NTSR1: variants seen among roughly 807,000 people sequenced by gnomAD.
NTSR1 encodes neurotensin receptor type 1.
Under a neutral mutation model 31.2 loss-of-function variants are expected in NTSR1, and 29 were observed. That is an observed-to-expected ratio of 0.93 (90% confidence interval 0.69 to 1.27). The LOEUF (loss-of-function observed/expected upper bound fraction) is 1.27, where lower values mean the gene tolerates loss of function less well. NTSR1 is among the 50% of genes most tolerant of loss of function. The pLI is 0.00. For missense variants in NTSR1, 697 were observed against 595.4 expected, an observed-to-expected ratio of 1.17 and a Z score of -1.78; for synonymous variants, 282 against 269.9, an observed-to-expected ratio of 1.04 and a Z score of -0.44.
Position 62,715,179 on chromosome 20 carries a change from T to C in NTSR1, c.714+5258T>C, listed in dbSNP as rs1435245338. Among the ~76,000 whole-genome samples, 1 of 152,188 alleles carries C rather than the reference T, an allele frequency of 6.6e-6. No individual in the cohort carries two copies. The highest frequency in any genetic ancestry group is 2.4e-5 in the African/African-American group (1 of 41,418). Reference sequence around the variant, plus strand: ...TGTTGGAAATAAAGAATTTGGCGTATGAAATCACCGTTCAGATGGTGACTC... The same window carrying C: ...TGTTGGAAATAAAGAATTTGGCGTACGAAATCACCGTTCAGATGGTGACTC... On this transcript the variant is annotated intron_variant, in intron 1 of 3. Transcript: ENST00000370501. This position sits in a 1 kb window ranked among gnomAD's most constrained non-coding sequence, Gnocchi z 4.7.
At chr20:62,712,096 G>A (rs1354387867) in intron 1 of NTSR1, among the ~76,000 whole-genome samples, 3 of 152,356 alleles carry the variant, frequency 2.0e-5, no homozygotes, top group African/African-American at 7.2e-5. Flanking sequence ...GGGCCCCGAT[G>A]CCAGCTGCTC....
Position 62,723,887 on chromosome 20 carries a change from C to T in NTSR1, c.714+13966C>T, listed in dbSNP as rs190886878. On this transcript the variant is annotated intron_variant, in intron 1 of 3. Coordinates refer to ENST00000370501, the MANE Select transcript of NTSR1 (RefSeq NM_002531.3). Reference sequence around the variant, plus strand: ...AGCTGGCTTCAGGTGAACACGCTGACCCCCTGGGTGGTCTCCAGGTGGTCT... The same window carrying T: ...AGCTGGCTTCAGGTGAACACGCTGATCCCCTGGGTGGTCTCCAGGTGGTCT... Among the ~76,000 whole-genome samples, 116 of 152,318 alleles carry T rather than the reference C, an allele frequency of 7.6e-4. 1 individual carries two copies. In the East Asian group the frequency reaches 0.021, roughly 27 times the overall value.
chr20:62,719,613 C>T lies in NTSR1; in HGVS notation c.714+9692C>T, dbSNP rs139518880. The stretch of plus-strand genomic sequence containing the variant: ...TCCTCCTCCCCCAGCCCCTGGCAAC[C>T]GCCATTCTACTTTTTGTCTCTGTGA... On this transcript the variant is annotated intron_variant, in intron 1 of 3. Coordinates refer to ENST00000370501, the MANE Select transcript of NTSR1 (RefSeq NM_002531.3). Among the ~76,000 whole-genome samples the T allele has an allele frequency of 1.9e-3, 282 of 151,838 alleles. 1 individual carries two copies. The highest frequency in any genetic ancestry group is 5.7e-3 in the African/African-American group (237 of 41,500).
rs1410331936 is a variant in NTSR1 at position 62,743,832 on chromosome 20, G to T, written c.715-10853G>T. 6.6e-6 allele frequency among the ~76,000 whole-genome samples: 1 copy of T among 152,176 alleles called. No individual in the cohort carries two copies. The highest frequency in any genetic ancestry group is 2.1e-4 in the South Asian group (1 of 4,824). ...AGGTGAGAACGCCCTGCCTGAGGTC[G>T]AGGGGCTGAGGCCGGCTGTCTGGAG... On this transcript the variant is annotated intron_variant, in intron 1 of 3. Transcript: ENST00000370501. The surrounding 1 kb of genome is among the most constrained non-coding windows in gnomAD (Gnocchi z 7.5).
intron 1 of NTSR1, among the ~76,000 whole-genome samples, chr20:62,740,953 C>T (rs547500544): frequency 3.9e-5 from 6 of 152,200 alleles, no homozygotes; most frequent in Admixed American, 6.5e-5. Flanking sequence ...AAAAGCAACT[C>T]GCCACCCCAG....
Position 62,708,942 on chromosome 20 carries a change from G to A in NTSR1, c.-266G>A. Reference sequence around the variant, plus strand: ...GCACCTGGAACCCGTGGCAAGCGCCGAGCCGGGAGACAGCCCGAGGAACCA... The same window carrying A: ...GCACCTGGAACCCGTGGCAAGCGCCAAGCCGGGAGACAGCCCGAGGAACCA... On this transcript the variant is annotated 5_prime_UTR_variant, in exon 1 of 4. Transcript: ENST00000370501. This position sits in a 1 kb window ranked among gnomAD's most constrained non-coding sequence, Gnocchi z 5.9. 1 of 395,312 alleles carries A rather than the reference G, an allele frequency of 2.5e-6. No individual in the cohort carries two copies. Among genetic ancestry groups the A allele is most frequent in the Non-Finnish European group, 4.5e-6 (1 of 224,458 alleles). 24.5% of individuals were successfully genotyped at this position (395,312 alleles called of 1,614,324 possible). A position where few individuals can be genotyped will look rare whatever the true frequency, so the allele number is the denominator to read the frequency against.
At position 62,744,301 on chromosome 20, in the gene NTSR1, T is replaced by C. The variant is rs924575775; in HGVS notation, c.715-10384T>C. On this transcript the variant is annotated intron_variant, in intron 1 of 3. Transcript: ENST00000370501. The surrounding 1 kb of genome is among the most constrained non-coding windows in gnomAD (Gnocchi z 4.1). Reference sequence around the variant, plus strand: ...TGGACGCAGTGGCTCGTGTTTGTAATCCCAGCACTTTGGGAGGCCGAGGTG... The same window carrying C: ...TGGACGCAGTGGCTCGTGTTTGTAACCCCAGCACTTTGGGAGGCCGAGGTG... Among the ~76,000 whole-genome samples, 2 of 152,082 alleles carry C rather than the reference T, an allele frequency of 1.3e-5. No homozygotes were observed. Among genetic ancestry groups the C allele is most frequent in the African/African-American group, 4.8e-5 (2 of 41,394 alleles).
At position 62,709,690 on chromosome 20, in the gene NTSR1, C is replaced by T. The variant is rs776682562; in HGVS notation, c.483C>T (p.Ser161=). 6.2e-7 allele frequency: 1 copy of T among 1,612,674 alleles called. No individual in the cohort carries two copies. Among genetic ancestry groups the T allele is most frequent in the African/African-American group, 1.3e-5 (1 of 74,932 alleles). Reference sequence around the variant, plus strand: ...ACGCCACGGCCCTCAACGTGGCCAGCCTGAGTGTGGAGCGCTACCTGGCCA... The same window carrying T: ...ACGCCACGGCCCTCAACGTGGCCAGTCTGAGTGTGGAGCGCTACCTGGCCA... ...CTYATALNVA[S]LSVERYLAIC... The change falls in exon 1 of 4, where the codon AGC becomes AGT. Residue 161 remains serine, a synonymous_variant. Transcript: ENST00000370501.
At chr20:62,757,578 A>G (rs1481173766) in intron 2 of NTSR1, among the ~76,000 whole-genome samples, 2 of 152,260 alleles carry the variant, frequency 1.3e-5, no homozygotes, top group Non-Finnish European at 2.9e-5. Context: ...TATTTCTGCC[A>G]AAAGCATTCT....
At position 62,741,361 on chromosome 20, in the gene NTSR1, C is replaced by A. The variant is rs765189363; in HGVS notation, c.715-13324C>A. ...AAGATTCCAACTCCCACACTCAGGGCTCCCTGCTGCCTGGAAGAGGAGAGG... is the reference window on the plus strand; with the variant it reads ...AAGATTCCAACTCCCACACTCAGGGATCCCTGCTGCCTGGAAGAGGAGAGG... On this transcript the variant is annotated intron_variant, in intron 1 of 3. Transcript: ENST00000370501. This position sits in a 1 kb window ranked among gnomAD's most constrained non-coding sequence, Gnocchi z 4.3. Among the ~76,000 whole-genome samples, 1 of 137,436 alleles carries A rather than the reference C, an allele frequency of 7.3e-6. No homozygotes were observed. The highest frequency in any genetic ancestry group is 3.0e-5 in the African/African-American group (1 of 33,218). The allele number at this position is 137,436 out of a possible 152,430, so 90.2% of individuals were successfully genotyped here.
rs1477478088 is a variant in NTSR1 at position 62,745,432 on chromosome 20, CAGG to C, written c.715-9250_715-9248del. On this transcript the variant is annotated intron_variant, in intron 1 of 3. Transcript: ENST00000370501. The surrounding 1 kb of genome is among the most constrained non-coding windows in gnomAD (Gnocchi z 4.1). Reference sequence around the variant, plus strand: ...TCAGGAAAACAGACAGAGAGAGACACAGGAGAACAGAGACACAGAGATACAGAG... The same window carrying C: ...TCAGGAAAACAGACAGAGAGAGACACAGAACAGAGACACAGAGATACAGAG... Among the ~76,000 whole-genome samples, 1 of 151,578 alleles carries C rather than the reference CAGG, an allele frequency of 6.6e-6. No homozygotes were observed. Among genetic ancestry groups the C allele is most frequent in the African/African-American group, 2.4e-5 (1 of 41,194 alleles).
At position 62,758,973 on chromosome 20, in the gene NTSR1, G is replaced by T. The variant is rs1289510896; in HGVS notation, c.1007+617G>T. On this transcript the variant is annotated intron_variant, in intron 3 of 3. Transcript: ENST00000370501. The surrounding 1 kb of genome is among the most constrained non-coding windows in gnomAD (Gnocchi z 4.5). ...TTTGCACCAACAGTTCAGGGGCAGG[G>T]AGCCCTTCTCACCCAAAAATGGCAG... 6.6e-6 allele frequency among the ~76,000 whole-genome samples: 1 copy of T among 152,132 alleles called. No homozygotes were observed. The highest frequency in any genetic ancestry group is 1.5e-5 in the Non-Finnish European group (1 of 68,016).
chr20:62,738,067 C>CAT (rs144837973), intron 1 of NTSR1, among the ~76,000 whole-genome samples: 2 of 151,950 alleles, frequency 1.3e-5, no homozygotes, highest in African/African-American at 4.8e-5. Flanking sequence ...CACGTCTGCC[C>CAT]CCCTCCCCCT....
intron 1 of NTSR1, among the ~76,000 whole-genome samples, chr20:62,725,655 C>T (rs983528084): frequency 1.3e-5 from 2 of 152,194 alleles, no homozygotes; most frequent in African/African-American, 2.4e-5. Flanking sequence ...CCAGCTGGTT[C>T]CTGCTGGGTC....
chr20:62,714,032 G>A lies in NTSR1; in HGVS notation c.714+4111G>A, dbSNP rs1200497548. Among the ~76,000 whole-genome samples, 6 of 152,206 alleles carry A rather than the reference G, an allele frequency of 3.9e-5. No individual in the cohort carries two copies. Among genetic ancestry groups the A allele is most frequent in the South Asian group, 2.1e-4 (1 of 4,834 alleles). The stretch of plus-strand genomic sequence containing the variant: ...GGAGAATCGCTTGAGCTTGGGAGGC[G>A]GAGGTTGCAGTGAGCCAAGATCACA... On this transcript the variant is annotated intron_variant, in intron 1 of 3. Transcript: ENST00000370501. This position sits in a 1 kb window ranked among gnomAD's most constrained non-coding sequence, Gnocchi z 4.1.
In NTSR1 at chr20:62,732,654, A is replaced by G. The variant is rs996661507; in HGVS notation, c.715-22031A>G. The G allele has an allele frequency of 6.6e-6, 1 of 152,210 alleles. No individual in the cohort carries two copies. Among genetic ancestry groups the G allele is most frequent in the Non-Finnish European group, 1.5e-5 (1 of 68,056 alleles). 9.4% of individuals were successfully genotyped at this position (152,210 alleles called of 1,614,324 possible). Reference sequence around the variant, plus strand: ...GTTTTTGCATCTGTGTTCATGAGACATCCTGGTCTGCGTTTTCCTTTCTTG... The same window carrying G: ...GTTTTTGCATCTGTGTTCATGAGACGTCCTGGTCTGCGTTTTCCTTTCTTG... On this transcript the variant is annotated intron_variant, in intron 1 of 3. Transcript: ENST00000370501. The surrounding 1 kb of genome is among the most constrained non-coding windows in gnomAD (Gnocchi z 4.0).
chr20:62,739,361 G>A (rs1272111862), intron 1 of NTSR1, among the ~76,000 whole-genome samples: 2 of 152,250 alleles, frequency 1.3e-5, no homozygotes, highest in Non-Finnish European at 2.9e-5. Context: ...GGCCACTCAG[G>A]GTAGAGGCTG....
Position 62,715,411 on chromosome 20 carries a change from G to A in NTSR1, c.714+5490G>A, listed in dbSNP as rs1053007243. ...ACATCACGTGGCTGGAGAGAGACAG[G>A]GCCTGGAGGTGCTCTCAGAAGGGAA... On this transcript the variant is annotated intron_variant, in intron 1 of 3. Coordinates refer to ENST00000370501, the MANE Select transcript of NTSR1 (RefSeq NM_002531.3). This position sits in a 1 kb window ranked among gnomAD's most constrained non-coding sequence, Gnocchi z 4.7. Among the ~76,000 whole-genome samples, 1 of 152,204 alleles carries A rather than the reference G, an allele frequency of 6.6e-6. No individual in the cohort carries two copies. Among genetic ancestry groups the A allele is most frequent in the Non-Finnish European group, 1.5e-5 (1 of 68,024 alleles).
Position 62,758,403 on chromosome 20 carries a change from C to T in NTSR1, c.1007+47C>T. 1 of 1,536,742 alleles carries T rather than the reference C, an allele frequency of 6.5e-7. No homozygotes were observed. Among genetic ancestry groups the T allele is most frequent in the Non-Finnish European group, 9.0e-7 (1 of 1,111,904 alleles). On this transcript the variant is annotated intron_variant, in intron 3 of 3. Coordinates refer to ENST00000370501, the MANE Select transcript of NTSR1 (RefSeq NM_002531.3). The surrounding 1 kb of genome is among the most constrained non-coding windows in gnomAD (Gnocchi z 4.5). ...GTTGGGTGCTGGACAAGTAAGTGCT[C>T]CCAAAACAGATGGTGGGTGTGGCAG...
Sources: allele counts gnomAD v4.1 joint callset (sites outside exome capture counted in the v4.1 genomes callset), GRCh38; gene constraint gnomAD v4.1.1; non-coding constraint Gnocchi (gnomAD v3.1); transcripts MANE v1.5; gene names NCBI Gene and HGNC (gene_info 2026-07-23, HGNC 2026-07-21).